The following ANO2 variants were observed in gnomAD, a reference collection of about 807,000 sequenced individuals.
ANO2 encodes the protein anoctamin-2.
ANO2 carries 101 observed loss-of-function variants against 124.2 expected under a neutral mutation model. That is an observed-to-expected ratio of 0.81 (90% CI 0.69 to 0.96). ANO2 has a LOEUF of 0.96. Among genes scored for constraint, ANO2 ranks in the 40% least tolerant of loss-of-function variants. The pLI, the probability that ANO2 is intolerant of heterozygous loss-of-function variation, is 0.00. For synonymous variants in ANO2, 486 were observed against 482.5 expected, an observed-to-expected ratio of 1.01 and a Z score of -0.09; for missense variants, 1,293 against 1,274.5, an observed-to-expected ratio of 1.01 and a Z score of -0.22.
chr12:5,873,780 G>A (rs562115119), intron 3 of ANO2, among the ~76,000 whole-genome samples: 20 of 152,336 alleles, frequency 1.3e-4, no homozygotes, highest in African/African-American at 4.8e-4. Flanking sequence ...GTGCAGGGGT[G>A]GTGAAGTGTT....
intron 7 of ANO2, among the ~76,000 whole-genome samples, chr12:5,814,587 T>A (rs1193310473): frequency 6.6e-6 from 1 of 152,272 alleles, no homozygotes; most frequent in Non-Finnish European, 1.5e-5. Flanking sequence ...CCATTGTATT[T>A]ACTTCTTGGT....
chr12:5,732,979 G>GAGGGATGACC, intron 13 of ANO2: 2 of 1,357,180 alleles, frequency 1.5e-6, no homozygotes, highest in Non-Finnish European at 2.1e-6. Flanking sequence ...ACCAGAGGCA[G>GAGGGATGACC]AGGGATATCC....
At chr12:5,922,303 G>C (rs1173750420) in intron 2 of ANO2, among the ~76,000 whole-genome samples, 1 of 152,220 alleles carries the variant, frequency 6.6e-6, no homozygotes, top group African/African-American at 2.4e-5. Context: ...ACAAGGGAGA[G>C]ACTCAGAGCC....
At chr12:5,739,596 T>TACACACACACACCCAC (rs1951013496) in intron 12 of ANO2, among the ~76,000 whole-genome samples, 197 bp from the exon 13 acceptor site, 1 of 145,082 alleles carries the variant, frequency 6.9e-6, no homozygotes, top group Admixed American at 6.8e-5. Context: ...ATAGATATGT[T>TACACACACACACCCAC]ACACACACAC....
intron 9 of ANO2, among the ~76,000 whole-genome samples, chr12:5,804,263 A>G (rs555550424): frequency 6.6e-6 from 1 of 152,340 alleles, no homozygotes; most frequent in Admixed American, 6.5e-5. Flanking sequence ...AACTACAGAA[A>G]CAAATCTAGC....
chr12:5,922,769 TCAGCCGGC>T lies in ANO2; in HGVS notation c.50_57del (p.Arg17GlnfsTer60). The T allele has an allele frequency of 6.5e-7, 1 of 1,549,948 alleles. No individual in the cohort carries two copies. Among genetic ancestry groups the T allele is most frequent in the South Asian group, 1.2e-5 (1 of 82,772 alleles). ...CCCCCTCTGGACCCTGCCTGAGGGC[TCAGCCGGC>T]GTGGGGAGCCAGGGAGCAGGGGTAT... On this transcript the variant is annotated frameshift_variant, in exon 2 of 25. Transcript: ENST00000682330. LOFTEE classifies it high-confidence loss of function.
At chr12:5,627,890 C>T (rs1465593544) in intron 16 of ANO2, among the ~76,000 whole-genome samples, 1 of 151,832 alleles carries the variant, frequency 6.6e-6, no homozygotes, top group Non-Finnish European at 1.5e-5. Context: ...CCCAGGAGTT[C>T]AAGACCAGCC....
chr12:5,841,694 G>A (rs1045586816), intron 4 of ANO2, among the ~76,000 whole-genome samples: 5 of 151,948 alleles, frequency 3.3e-5, no homozygotes, highest in Non-Finnish European at 7.4e-5. Context: ...CCCTCTTCTG[G>A]AAGGTTCTCA....
chr12:5,806,539 T>A (rs1384908632), intron 8 of ANO2, among the ~76,000 whole-genome samples: 1 of 152,202 alleles, frequency 6.6e-6, no homozygotes, highest in Admixed American at 6.5e-5. Context: ...GAGCCCCACC[T>A]CAGCAGTCTC....
intron 12 of ANO2, among the ~76,000 whole-genome samples, chr12:5,742,104 C>A (rs972703944): frequency 6.6e-6 from 1 of 152,114 alleles, no homozygotes; most frequent in Non-Finnish European, 1.5e-5. Context: ...TGACTAGTAT[C>A]CCCCAAGACC....
chr12:5,679,923 G>A (rs1244639237), intron 14 of ANO2, among the ~76,000 whole-genome samples: 1 of 152,204 alleles, frequency 6.6e-6, no homozygotes, highest in Non-Finnish European at 1.5e-5. Flanking sequence ...TAAAGAAAAT[G>A]TGGTACAGAT....
At position 5,788,743 on chromosome 12, in the gene ANO2, G is replaced by A. The variant is rs1952613696; in HGVS notation, c.1055+10764C>T. 1.3e-5 allele frequency among the ~76,000 whole-genome samples: 2 copies of A among 152,130 alleles called. 1 individual carries two copies. The highest frequency in any genetic ancestry group is 4.1e-4 in the South Asian group (2 of 4,822). On this transcript the variant is annotated intron_variant, in intron 10 of 24. Coordinates refer to ENST00000682330, the MANE Select transcript of ANO2 (RefSeq NM_001364791.2). ...CCAGCTAATTTTTGTAGTTTTAGTAGAGACAGGGTTTCACCATGTTGGCCA... is the reference window on the plus strand; with the variant it reads ...CCAGCTAATTTTTGTAGTTTTAGTAAAGACAGGGTTTCACCATGTTGGCCA...
At chr12:5,702,625 C>T (rs372698640) in intron 14 of ANO2, among the ~76,000 whole-genome samples, 10 of 151,638 alleles carry the variant, frequency 6.6e-5, no homozygotes, top group African/African-American at 2.4e-4. Context: ...ATCTCTTCCG[C>T]ACTCTATACA....
chr12:5,575,739 A>G (rs1942361257), intron 23 of ANO2, 95 bp downstream of exon 23: 2 of 1,381,094 alleles, frequency 1.4e-6, no homozygotes, highest in South Asian at 1.4e-5. Flanking sequence ...AAACATCATC[A>G]TGTTGTGCAG....
intron 10 of ANO2, among the ~76,000 whole-genome samples, chr12:5,761,262 T>C (rs180731830): frequency 2.6e-5 from 4 of 152,074 alleles, no homozygotes; most frequent in Admixed American, 2.0e-4. Context: ...ACTAAAACAA[T>C]GTCTACACCC....
intron 20 of ANO2, among the ~76,000 whole-genome samples, chr12:5,594,461 G>T (rs2136873467): frequency 6.6e-6 from 1 of 152,258 alleles, no homozygotes; most frequent in South Asian, 2.1e-4. Flanking sequence ...AAACCTGTCT[G>T]GTCTTCAGGG....
intron 14 of ANO2, among the ~76,000 whole-genome samples, chr12:5,657,202 TG>T (rs1162515037): frequency 2.0e-5 from 3 of 152,120 alleles, no homozygotes; most frequent in Admixed American, 6.5e-5. Context: ...ATTGACTTGA[TG>T]GGGGGTGGAG....
intron 16 of ANO2, among the ~76,000 whole-genome samples, chr12:5,632,622 A>C (rs1174339187): frequency 1.3e-5 from 2 of 152,082 alleles, no homozygotes; most frequent in Non-Finnish European, 2.9e-5. Context: ...ACATAGCTTC[A>C]TGATGTGAAA....
At position 5,621,023 on chromosome 12, in the gene ANO2, C is replaced by T. The variant is rs527943633; in HGVS notation, c.1817-5726G>A. ...ACATCCCCATCTTTGGCCTGATTCT[C>T]ATTCCCCTTAACTACAGGAGACAAT... On this transcript the variant is annotated intron_variant, in intron 16 of 24. Transcript: ENST00000682330. 2.0e-5 allele frequency among the ~76,000 whole-genome samples: 3 copies of T among 152,248 alleles called. No individual in the cohort carries two copies. In the East Asian group the frequency reaches 5.8e-4, roughly 30 times the overall value.
Sources: gnomAD v4.1 joint callset for allele counts (sites outside exome capture counted in the v4.1 genomes callset) on GRCh38, gnomAD v4.1.1 for gene constraint, MANE v1.5 for transcripts, NCBI Gene and HGNC (gene_info 2026-07-23, HGNC 2026-07-21) for gene names.